Variants in KIAA1328 observed in about 807,000 individuals in gnomAD.
The protein encoded by KIAA1328 is KIAA1328, also known as protein hinderin.
A neutral mutation model predicts 68.1 loss-of-function variants in KIAA1328; 52 were observed. That is an observed-to-expected ratio of 0.76 (90% CI 0.61 to 0.96). KIAA1328 has a LOEUF of 0.96. Among genes scored for constraint, KIAA1328 ranks in the 40% least tolerant of loss-of-function variants. KIAA1328 has a pLI of 0.00. For missense variants in KIAA1328, 641 were observed against 677.6 expected, an observed-to-expected ratio of 0.95 and a Z score of 0.60; for synonymous variants, 232 against 239.4, an observed-to-expected ratio of 0.97 and a Z score of 0.28.
intron 7 of KIAA1328, among the ~76,000 whole-genome samples, chr18:37,142,953 T>G (rs1341706279): frequency 1.3e-5 from 2 of 151,324 alleles, no homozygotes; most frequent in South Asian, 2.1e-4. Flanking sequence ...TTTTTTTTTT[T>G]TGTTTTTTTT....
chr18:36,845,243 T>G (rs2046988371), intron 4 of KIAA1328, among the ~76,000 whole-genome samples: 1 of 151,810 alleles, frequency 6.6e-6, no homozygotes, highest in African/African-American at 2.4e-5. Context: ...ATCTCTTTTA[T>G]TAGAATTCTT....
chr18:36,846,022 A>C (rs577441003), intron 4 of KIAA1328, among the ~76,000 whole-genome samples: 1 of 151,788 alleles, frequency 6.6e-6, no homozygotes, highest in East Asian at 1.9e-4. Context: ...TTAACGTACA[A>C]GTATATGGGA....
chr18:36,995,995 T>G (rs1209409060), intron 6 of KIAA1328, among the ~76,000 whole-genome samples: 1 of 152,224 alleles, frequency 6.6e-6, no homozygotes, highest in Non-Finnish European at 1.5e-5. Context: ...TCTATGCTAC[T>G]TGCTTTACAA....
At chr18:37,000,434 A>G (rs750572057) in intron 6 of KIAA1328, among the ~76,000 whole-genome samples, 1 of 152,162 alleles carries the variant, frequency 6.6e-6, no homozygotes, top group Non-Finnish European at 1.5e-5. Flanking sequence ...CCCCACTCTC[A>G]GCATTAGATC....
downstream of KIAA1328, chr18:37,231,027 C>T (rs1336220923): frequency 1.3e-5 from 2 of 152,274 alleles, no homozygotes; most frequent in Non-Finnish European, 2.9e-5. Flanking sequence ...TGTGACTTTT[C>T]CAGGTCCCTC....
At chr18:36,954,552 C>T (rs1413952027) in intron 5 of KIAA1328, 3 of 152,060 alleles carry the variant, frequency 2.0e-5, no homozygotes, top group Non-Finnish European at 1.5e-5. Flanking sequence ...TAACATTTCA[C>T]CTAATGGTTT....
chr18:36,901,331 T>C (rs2049031504), intron 5 of KIAA1328, among the ~76,000 whole-genome samples: 2 of 152,060 alleles, frequency 1.3e-5, no homozygotes, highest in East Asian at 3.9e-4. Context: ...GGGAGGCATG[T>C]CAAATGTGAC....
rs537267556 is a variant in KIAA1328 at position 36,866,999 on chromosome 18, G to C, written c.333-18558G>C. ...CATATGACAAGCATATTTTCAGAAG[G>C]ATATAATATTCATCAGCTCTCAACA... On this transcript the variant is annotated intron_variant, in intron 4 of 9. Transcript: ENST00000280020. 2.0e-5 allele frequency among the ~76,000 whole-genome samples: 3 copies of C among 152,256 alleles called. No individual in the cohort carries two copies. In the South Asian group the frequency reaches 6.2e-4, roughly 32 times the overall value.
rs369902179 is a variant in KIAA1328, at chr18:37,220,830, G to C, written c.1524-1187G>C. ...ACTGTTTTTGTTTGTTTGGTTGGTT[G>C]GTTGGTTGGTTTTTTGTTTGTTTGT... On this transcript the variant is annotated intron_variant, in intron 9 of 9. Transcript: ENST00000280020. 5.3e-5 allele frequency among the ~76,000 whole-genome samples: 8 copies of C among 152,226 alleles called. No homozygotes were observed. In the South Asian group the frequency reaches 6.2e-4, roughly 12 times the overall value.
At chr18:37,100,522 G>A (rs1220490988) in intron 7 of KIAA1328, among the ~76,000 whole-genome samples, 1 of 152,204 alleles carries the variant, frequency 6.6e-6, no homozygotes, top group African/African-American at 2.4e-5. Flanking sequence ...AAGCGGCCAG[G>A]AGGCTCAAAC....
intron 5 of KIAA1328, among the ~76,000 whole-genome samples, chr18:36,899,010 C>T (rs1043321158): frequency 2.0e-5 from 3 of 151,850 alleles, no homozygotes; most frequent in Admixed American, 6.6e-5. Context: ...TGCAACACCT[C>T]CAATTAGGTA....
chr18:36,954,155 A>G (rs1228006791), intron 5 of KIAA1328, among the ~76,000 whole-genome samples: 1 of 151,550 alleles, frequency 6.6e-6, no homozygotes, highest in African/African-American at 2.4e-5. Flanking sequence ...GGCGCCTGCC[A>G]CCGCGCCCGG....
intron 5 of KIAA1328, among the ~76,000 whole-genome samples, chr18:36,900,770 C>A (rs2049011329): frequency 6.6e-6 from 1 of 152,046 alleles, no homozygotes; most frequent in African/African-American, 2.4e-5. Context: ...ACTTATTTGA[C>A]ATCGTTAAAT....
At position 37,224,143 on chromosome 18, in the gene KIAA1328, T is replaced by C. The variant is rs989800831; in HGVS notation, c.*1916T>C. 3.0e-6 allele frequency: 3 copies of C among 985,272 alleles called. No individual in the cohort carries two copies. In the African/African-American group the frequency reaches 5.2e-5, roughly 17 times the overall value. 61.0% of individuals were successfully genotyped at this position (985,272 alleles called of 1,614,324 possible). On this transcript the variant is annotated 3_prime_UTR_variant, in exon 10 of 10. Transcript: ENST00000280020. ...TTTCTTTTCCTTGCCCCCTGTGTCA[T>C]GACTAGCTTAAGTGTACTTGACTCC...
intron 5 of KIAA1328, among the ~76,000 whole-genome samples, chr18:36,899,484 C>G (rs2048966489): frequency 6.6e-6 from 1 of 151,796 alleles, no homozygotes; most frequent in Non-Finnish European, 1.5e-5. Flanking sequence ...CTACTGCCAC[C>G]TGGTGATAGT....
At chr18:37,226,357 C>T (rs1230261796), downstream of KIAA1328, among the ~76,000 whole-genome samples, 2 of 151,324 alleles carry the variant, frequency 1.3e-5, no homozygotes, top group Non-Finnish European at 2.9e-5. Context: ...GTGTACAGTT[C>T]AGTAGTCTTT....
chr18:37,026,047 A>C (rs2054564883), intron 6 of KIAA1328, among the ~76,000 whole-genome samples: 1 of 152,210 alleles, frequency 6.6e-6, no homozygotes, highest in Non-Finnish European at 1.5e-5. Flanking sequence ...GGATATCACC[A>C]CCAATCCCAC....
chr18:37,031,633 T>A (rs2054833207), intron 6 of KIAA1328, among the ~76,000 whole-genome samples: 1 of 152,220 alleles, frequency 6.6e-6, no homozygotes. Context: ...GTCTCTGGAC[T>A]TATATTGGAC....
chr18:37,214,636 C>T (rs541619467), intron 9 of KIAA1328, among the ~76,000 whole-genome samples: 1 of 152,278 alleles, frequency 6.6e-6, no homozygotes, highest in East Asian at 1.9e-4. Context: ...AATACGGGCT[C>T]TTTTTTGGTT....
Sources: gnomAD v4.1 joint callset for allele counts (sites outside exome capture counted in the v4.1 genomes callset) on GRCh38, gnomAD v4.1.1 for gene constraint, MANE v1.5 for transcripts, NCBI Gene and HGNC (gene_info 2026-07-23, HGNC 2026-07-21) for gene names.